GNAS-AS1: variants seen among roughly 807,000 people sequenced by gnomAD.
The protein encoded by GNAS-AS1 is GNAS antisense RNA 1 (non-protein coding).
chr20:58,850,117 G>A (rs1311533207), intron 1 of GNAS-AS1, among the ~76,000 whole-genome samples: 3 of 152,104 alleles, frequency 2.0e-5, no homozygotes, highest in Non-Finnish European at 4.4e-5. Context: ...TGGGCAAACC[G>A]TCTCCCATCC....
chr20:58,850,526 T>C (rs902642015), intron 1 of GNAS-AS1: 53 of 398,670 alleles, frequency 1.3e-4, no homozygotes, highest in African/African-American at 1.0e-3. Flanking sequence ...CAATGTCTAC[T>C]GACCTTCCAC....
chr20:58,828,827 C>A (rs1044175532), intron 4 of GNAS-AS1, among the ~76,000 whole-genome samples: 2 of 152,116 alleles, frequency 1.3e-5, no homozygotes, highest in African/African-American at 2.4e-5. Flanking sequence ...CCCACCACCC[C>A]ACTCAACATG....
At chr20:58,845,316 C>G (rs1388940839) in intron 2 of GNAS-AS1, among the ~76,000 whole-genome samples, 2 of 152,112 alleles carry the variant, frequency 1.3e-5, no homozygotes, top group East Asian at 3.9e-4. Flanking sequence ...TTTTCTCAAC[C>G]TTTGTTTTTT....
chr20:58,841,220 T>C lies in GNAS-AS1; in HGVS notation n.819+717A>G. The C allele has an allele frequency of 2.8e-6, 2 of 709,598 alleles. No individual in the cohort carries two copies. The highest frequency in any genetic ancestry group is 3.8e-6 in the Non-Finnish European group (2 of 526,358). The allele number at this position is 709,598 out of a possible 1,614,324, so 44.0% of individuals were successfully genotyped here. On this transcript the variant is annotated intron_variant and non_coding_transcript_variant, in intron 4 of 4. Coordinates refer to ENST00000424094, the Ensembl canonical transcript of GNAS-AS1. This position sits in a 1 kb window ranked among gnomAD's most constrained non-coding sequence, Gnocchi z 5.0. The stretch of plus-strand genomic sequence containing the variant: ...TTGGAGCTGCACACCCAAACGGCAT[T>C]GGTAAGTCACTTGTTTTGCGCGCTT...
rs769227032 is a variant in GNAS-AS1 at position 58,840,880 on chromosome 20, G to C, written n.819+1057C>G. On this transcript the variant is annotated intron_variant and non_coding_transcript_variant, in intron 4 of 4. Transcript: ENST00000424094. The surrounding 1 kb of genome is among the most constrained non-coding windows in gnomAD (Gnocchi z 6.0). Reference sequence around the variant, plus strand: ...CGTCCAGATTCTCCTTGTTTTCATGGATTCAGGTTAGTTGCCCACCGCTAA... The same window carrying C: ...CGTCCAGATTCTCCTTGTTTTCATGCATTCAGGTTAGTTGCCCACCGCTAA... 2.5e-6 allele frequency: 4 copies of C among 1,612,570 alleles called. No individual in the cohort carries two copies. The highest frequency in any genetic ancestry group is 1.7e-5 in the Admixed American group (1 of 59,982).
chr20:58,838,411 C>T (rs1250503718), intron 4 of GNAS-AS1, among the ~76,000 whole-genome samples: 1 of 152,170 alleles, frequency 6.6e-6, no homozygotes, highest in African/African-American at 2.4e-5. Context: ...ATCATTTTCT[C>T]ATGTGGAATT....
intron 4 of GNAS-AS1, among the ~76,000 whole-genome samples, chr20:58,837,276 AG>A (rs112823375): frequency 1.1e-3 from 167 of 152,308 alleles, no homozygotes; most frequent in African/African-American, 3.9e-3. Context: ...GGGTCAGTGT[AG>A]GCAGACTCTC....
At chr20:58,829,577 G>A (rs1005096529) in intron 4 of GNAS-AS1, among the ~76,000 whole-genome samples, 8 of 152,092 alleles carry the variant, frequency 5.3e-5, no homozygotes, top group East Asian at 1.9e-4. Flanking sequence ...GCTTCTTTCC[G>A]CCAGAGAGCT....
chr20:58,842,101 TAG>T (rs2085758693), exon 4 of GNAS-AS1: 2 of 401,258 alleles, frequency 5.0e-6, no homozygotes, highest in Admixed American at 4.4e-5. Flanking sequence ...TCAGCACGGG[TAG>T]AGTTAAGTTT....
intron 4 of GNAS-AS1, chr20:58,827,089 C>T (rs1355093441): frequency 1.3e-5 from 2 of 152,112 alleles, no homozygotes; most frequent in Non-Finnish European, 2.9e-5. Context: ...CTGGGATACA[C>T]TTGGCCTCTC....
intron 4 of GNAS-AS1, among the ~76,000 whole-genome samples, chr20:58,830,298 CCAT>C (rs1339439851): frequency 1.4e-5 from 2 of 145,806 alleles, no homozygotes; most frequent in African/African-American, 2.5e-5. Flanking sequence ...ATCACCACCA[CCAT>C]CACCACCACC....
intron 4 of GNAS-AS1, chr20:58,833,732 C>T (rs2145460050): frequency 6.6e-6 from 1 of 152,384 alleles, no homozygotes; most frequent in South Asian, 2.1e-4. Flanking sequence ...CACATCCTAA[C>T]ACCAGCACGA....
intron 4 of GNAS-AS1, among the ~76,000 whole-genome samples, chr20:58,832,706 T>C (rs2085575256): frequency 6.6e-6 from 1 of 152,210 alleles, no homozygotes; most frequent in Admixed American, 6.5e-5. Flanking sequence ...GACAGAGAGA[T>C]GTCTTGCAAA....
At chr20:58,823,607 G>A (rs1011792878) in intron 4 of GNAS-AS1, among the ~76,000 whole-genome samples, 2 of 152,260 alleles carry the variant, frequency 1.3e-5, no homozygotes, top group African/African-American at 4.8e-5. Flanking sequence ...GCTGGCCGGG[G>A]CCAGGTCTTT....
At chr20:58,820,754 C>A (rs141405438) in intron 4 of GNAS-AS1, among the ~76,000 whole-genome samples, 1 of 152,224 alleles carries the variant, frequency 6.6e-6, no homozygotes, top group Non-Finnish European at 1.5e-5. Flanking sequence ...AGAGCGCTTG[C>A]GCAGGCAAAC....
intron 3 of GNAS-AS1, chr20:58,842,296 G>C: frequency 2.5e-6 from 1 of 397,730 alleles, no homozygotes; most frequent in Non-Finnish European, 4.4e-6. Context: ...TTCCTGGTGT[G>C]CGTGTCTCAT....
chr20:58,830,609 C>T, intron 4 of GNAS-AS1, among the ~76,000 whole-genome samples: 1 of 121,848 alleles, frequency 8.2e-6, no homozygotes, highest in Admixed American at 8.2e-5. Flanking sequence ...ACCACCATCA[C>T]CACCACACCA....
chr20:58,841,513 C>A lies in GNAS-AS1; in HGVS notation n.819+424G>T. The A allele has an allele frequency of 1.0e-6, 1 of 992,186 alleles. No homozygotes were observed. Among genetic ancestry groups the A allele is most frequent in the East Asian group, 1.1e-4 (1 of 9,068 alleles). The allele number at this position is 992,186 out of a possible 1,614,324, so 61.5% of individuals were successfully genotyped here. A position where few individuals can be genotyped will look rare whatever the true frequency, so the allele number is the denominator to read the frequency against. Reference sequence around the variant, plus strand: ...GCTGACAATTAAGCCGCGGGACCTCCGCGCCAGTGCCTCCAGCTGCCGTGC... The same window carrying A: ...GCTGACAATTAAGCCGCGGGACCTCAGCGCCAGTGCCTCCAGCTGCCGTGC... On this transcript the variant is annotated intron_variant and non_coding_transcript_variant, in intron 4 of 4. Transcript: ENST00000424094. The surrounding 1 kb of genome is among the most constrained non-coding windows in gnomAD (Gnocchi z 5.0).
chr20:58,838,646 G>C (rs2085629725), intron 4 of GNAS-AS1: 1 of 196,528 alleles, frequency 5.1e-6, no homozygotes, highest in Non-Finnish European at 1.0e-5. Context: ...AGCCGGGCGC[G>C]GTGGCTCACG....
Sources: gnomAD v4.1 joint callset for allele counts (sites outside exome capture counted in the v4.1 genomes callset) on GRCh38, gnomAD v4.1.1 for gene constraint, Gnocchi (gnomAD v3.1) non-coding constraint, MANE v1.5 for transcripts, NCBI Gene and HGNC (gene_info 2026-07-23, HGNC 2026-07-21) for gene names.